The following PTK2 variants were observed in gnomAD, a reference collection of about 807,000 sequenced individuals.
The protein encoded by PTK2 is protein tyrosine kinase 2.
Under a neutral mutation model 150.1 loss-of-function variants are expected in PTK2, and 45 were observed. The ratio of observed to expected loss-of-function variants is 0.30; its 90% confidence interval spans 0.24 to 0.38. The LOEUF (loss-of-function observed/expected upper bound fraction) is 0.38. PTK2 is among the 10% of genes least tolerant of loss of function. The probability of loss-of-function intolerance (pLI) is 1.00; values close to 1 mark genes in which losing one functional copy is unlikely to be tolerated. For missense variants in PTK2, 919 were observed against 1,307.3 expected (o/e 0.70, Z 4.58); for synonymous variants, 432 against 449.2 (o/e 0.96, Z 0.48).
chr8:140,762,355 G>C lies in PTK2; in HGVS notation c.1235-1093C>G. 8.5e-7 allele frequency: 1 copy of C among 1,172,278 alleles called. No individual in the cohort carries two copies. 72.6% of individuals were successfully genotyped at this position (1,172,278 alleles called of 1,614,324 possible). A position where few individuals can be genotyped will look rare whatever the true frequency, so the allele number is the denominator to read the frequency against. Reference sequence around the variant, plus strand: ...TGCAAGCAAATGCAGTTAATTTAAAGGAATCCTGTTACCTTCATCTATTCC... The same window carrying C: ...TGCAAGCAAATGCAGTTAATTTAAACGAATCCTGTTACCTTCATCTATTCC... On this transcript the variant is annotated intron_variant, in intron 15 of 31. Transcript: ENST00000522684.
At chr8:140,947,232 C>T (rs1189676844) in intron 1 of PTK2, among the ~76,000 whole-genome samples, 1 of 152,172 alleles carries the variant, frequency 6.6e-6, no homozygotes, top group African/African-American at 2.4e-5. Context: ...GCTTTTTCCA[C>T]TCCTTCTTAG....
chr8:140,811,029 C>T (rs1000879599), intron 10 of PTK2, among the ~76,000 whole-genome samples: 3 of 152,242 alleles, frequency 2.0e-5, no homozygotes, highest in South Asian at 4.1e-4. Flanking sequence ...CCAGTACCCA[C>T]TAGCAACCTG....
At chr8:140,981,066 G>A (rs1349008699) in intron 1 of PTK2, among the ~76,000 whole-genome samples, 3 of 146,050 alleles carry the variant, frequency 2.1e-5, no homozygotes, top group Non-Finnish European at 4.5e-5. Flanking sequence ...AGCCTCTAAA[G>A]CTTTTTAATA....
intron 1 of PTK2, among the ~76,000 whole-genome samples, chr8:140,927,952 A>G (rs1165106980): frequency 1.1e-4 from 9 of 84,282 alleles, no homozygotes; most frequent in African/African-American, 1.8e-4. Flanking sequence ...AAAAAAAAAA[A>G]AAAAAGAAAA....
chr8:140,825,534 G>T (rs1454891226), intron 8 of PTK2, among the ~76,000 whole-genome samples: 1 of 152,142 alleles, frequency 6.6e-6, no homozygotes, highest in Non-Finnish European at 1.5e-5. Context: ...GGTTTCTACT[G>T]TGCATTATAT....
At chr8:140,891,190 T>G (rs573585359) in intron 2 of PTK2, among the ~76,000 whole-genome samples, 1 of 152,008 alleles carries the variant, frequency 6.6e-6, no homozygotes, top group East Asian at 1.9e-4. Flanking sequence ...ATAATACAAA[T>G]TCAATGAGTA....
chr8:140,931,371 A>AG (rs1399026868), intron 1 of PTK2, among the ~76,000 whole-genome samples: 2 of 152,108 alleles, frequency 1.3e-5, no homozygotes, highest in Non-Finnish European at 1.5e-5. Context: ...TCTTCAGCCT[A>AG]GGCAACAAGA....
At chr8:140,772,454 T>G (rs529907406) in intron 14 of PTK2, among the ~76,000 whole-genome samples, 1 of 152,282 alleles carries the variant, frequency 6.6e-6, no homozygotes, top group East Asian at 1.9e-4. Flanking sequence ...CTGGATGCAC[T>G]GTGTGATGCA....
At chr8:140,895,935 T>C (rs2100156027) in intron 2 of PTK2, among the ~76,000 whole-genome samples, 1 of 152,024 alleles carries the variant, frequency 6.6e-6, no homozygotes, top group Non-Finnish European at 1.5e-5. Context: ...AAGTTACTCT[T>C]TTAAAAAACA....
chr8:140,804,715 C>A (rs944619960), intron 10 of PTK2, among the ~76,000 whole-genome samples: 1 of 152,182 alleles, frequency 6.6e-6, no homozygotes, highest in Non-Finnish European at 1.5e-5. Context: ...GCCACTAGAA[C>A]GGAGTTGGAA....
intron 2 of PTK2, among the ~76,000 whole-genome samples, chr8:140,905,491 T>C (rs893953173): frequency 7.9e-5 from 12 of 152,294 alleles, no homozygotes; most frequent in South Asian, 4.1e-4. Context: ...CTTAAATATA[T>C]ATATGCACCC....
In PTK2 at chr8:140,702,558, C is replaced by T. The variant is rs1201451762; in HGVS notation, c.2367+12G>A. On this transcript the variant is annotated intron_variant, in intron 25 of 31. Transcript: ENST00000522684. ...TAAGTTAACAAACTGAAGCCCAAGA[C>T]ACCCGATTTACCTCCACATTGGGCT... is the stretch of plus-strand genomic sequence containing the variant. The T allele has an allele frequency of 2.5e-6, 4 of 1,612,582 alleles. No homozygotes were observed. Among genetic ancestry groups the T allele is most frequent in the Non-Finnish European group, 3.4e-6 (4 of 1,179,292 alleles).
intron 8 of PTK2, among the ~76,000 whole-genome samples, chr8:140,829,083 A>G (rs2100113702): frequency 6.6e-6 from 1 of 152,240 alleles, no homozygotes; most frequent in East Asian, 1.9e-4. Flanking sequence ...TTTCACTAAT[A>G]GATCAGGAAA....
chr8:140,955,361 G>T (rs2100180880), intron 1 of PTK2, among the ~76,000 whole-genome samples: 1 of 152,142 alleles, frequency 6.6e-6, no homozygotes, highest in Non-Finnish European at 1.5e-5. Flanking sequence ...ACTCTCTCTT[G>T]CCTGCTGCCG....
At chr8:140,731,029 G>A (rs2100048988) in intron 22 of PTK2, among the ~76,000 whole-genome samples, 1 of 145,744 alleles carries the variant, frequency 6.9e-6, no homozygotes, top group Admixed American at 7.1e-5. Flanking sequence ...CGCAATACCG[G>A]CTCACTGCAA....
chr8:140,716,640 G>A (rs2100039868), intron 23 of PTK2, among the ~76,000 whole-genome samples: 2 of 152,076 alleles, frequency 1.3e-5, no homozygotes, highest in Non-Finnish European at 2.9e-5. Flanking sequence ...AAAGTTTTCA[G>A]CCTTCAAGAT....
intron 14 of PTK2, 56 bp downstream of exon 14, chr8:140,789,418 T>C (rs1595709914): frequency 5.8e-6 from 9 of 1,539,434 alleles, no homozygotes; most frequent in Admixed American, 5.6e-5. Context: ...TAGACATCTA[T>C]GATCGTCTTA....
intron 10 of PTK2, among the ~76,000 whole-genome samples, chr8:140,816,384 TTC>T (rs1322441610): frequency 6.6e-6 from 1 of 152,230 alleles, no homozygotes. Context: ...CAAAAATTTA[TTC>T]TGTTTTCCTC....
intron 21 of PTK2, among the ~76,000 whole-genome samples, chr8:140,738,492 T>C (rs540259920): frequency 6.6e-6 from 1 of 152,008 alleles, no homozygotes; most frequent in South Asian, 2.1e-4. Context: ...TTGCAGCAGG[T>C]GAGGAGGAAC....
Sources: allele counts gnomAD v4.1 joint callset (sites outside exome capture counted in the v4.1 genomes callset), GRCh38; gene constraint gnomAD v4.1.1; transcripts MANE v1.5; gene names NCBI Gene and HGNC (gene_info 2026-07-23, HGNC 2026-07-21).